The following MYCBP2 variants were observed in gnomAD, a reference collection of about 807,000 sequenced individuals.
MYCBP2 encodes E3 ubiquitin-protein ligase MYCBP2.
In MYCBP2, 120 loss-of-function variants were observed where a neutral mutation model predicts 525.3. The observed-to-expected ratio is 0.23, with a 90% CI of 0.20 to 0.27. The LOEUF (loss-of-function observed/expected upper bound fraction) is 0.27. Ranked by LOEUF, MYCBP2 falls within the 10% of genes least tolerant of loss-of-function variation. The pLI is 1.00. For missense variants in MYCBP2, 4,149 were observed against 5,657.1 expected (o/e 0.73, Z 8.55); for synonymous variants, 1,894 against 1,955.8 (o/e 0.97, Z 0.83).
At chr13:77,051,242 C>G in intron 81 of MYCBP2, 80 bp from the exon 82 acceptor site, 1 of 1,264,828 alleles carries the variant, frequency 7.9e-7, no homozygotes, top group South Asian at 1.6e-5. Context: ...TATACATAGA[C>G]AGCTCCTTAA....
At position 77,081,295 on chromosome 13, in the gene MYCBP2, G is replaced by T. The variant is rs2154104234; in HGVS notation, c.11418+132C>A. ...GTTTTTAGACTTAAGATTTATTTGG[G>T]GATTATAGCAATGATGTTTGGTTGG... On this transcript the variant is annotated intron_variant, in intron 65 of 82. Transcript: ENST00000544440. The surrounding 1 kb of genome is among the most constrained non-coding windows in gnomAD (Gnocchi z 4.6). 1.3e-6 allele frequency: 1 copy of T among 744,666 alleles called. No individual in the cohort carries two copies. The highest frequency in any genetic ancestry group is 2.2e-6 in the Non-Finnish European group (1 of 445,520). 46.1% of individuals were successfully genotyped at this position (744,666 alleles called of 1,614,324 possible).
Position 77,244,454 on chromosome 13 carries a change from C to A in MYCBP2, c.2382-503G>T, listed in dbSNP as rs547048487. ...TAATAAATGGTGCTGGGAAAACTGGCTAGACATATGCAGAAAACTGAAACT... is the reference window on the plus strand; with the variant it reads ...TAATAAATGGTGCTGGGAAAACTGGATAGACATATGCAGAAAACTGAAACT... On this transcript the variant is annotated intron_variant, in intron 15 of 82. Transcript: ENST00000544440. Among the ~76,000 whole-genome samples, 3 of 152,260 alleles carry A rather than the reference C, an allele frequency of 2.0e-5. No homozygotes were observed. The South Asian group carries it at 6.2e-4, about 32-fold the overall frequency.
chr13:77,089,971 T>A (rs1566473270), intron 60 of MYCBP2, 135 bp downstream of exon 60: 2 of 706,380 alleles, frequency 2.8e-6, no homozygotes, highest in Non-Finnish European at 4.3e-6. Context: ...ATAGAAGGAA[T>A]GTCAATCACA....
intron 17 of MYCBP2, among the ~76,000 whole-genome samples, chr13:77,240,884 A>T (rs2068716442): frequency 6.6e-6 from 1 of 152,224 alleles, no homozygotes; most frequent in Admixed American, 6.5e-5. Context: ...TTTACCAAAC[A>T]TGAAGGAGGG....
chr13:77,228,438 T>G (rs1240522117), intron 18 of MYCBP2, among the ~76,000 whole-genome samples: 1 of 149,702 alleles, frequency 6.7e-6, no homozygotes, highest in African/African-American at 2.5e-5. Context: ...GCCCGGGAGG[T>G]CAAGGCTGCA....
chr13:77,074,553 T>C (rs1041346097), intron 68 of MYCBP2, among the ~76,000 whole-genome samples: 6 of 152,186 alleles, frequency 3.9e-5, no homozygotes, highest in Admixed American at 2.0e-4. Context: ...AAGATCTGTA[T>C]GTGAGTGTTC....
At chr13:77,115,528 T>A (rs1214522161) in intron 55 of MYCBP2, among the ~76,000 whole-genome samples, 4 of 151,900 alleles carry the variant, frequency 2.6e-5, no homozygotes, top group African/African-American at 9.7e-5. Flanking sequence ...TTTCTACGTA[T>A]ATAAAATCAA....
At chr13:77,078,755 A>G (rs1165687247) in intron 66 of MYCBP2, 69 bp downstream of exon 66, 25 of 1,258,124 alleles carry the variant, frequency 2.0e-5, no homozygotes, top group Non-Finnish European at 2.4e-5. Flanking sequence ...GTGGAATTCA[A>G]TAGTGAAGGC....
chr13:77,112,455 ACT>A (rs2048994387), intron 55 of MYCBP2, among the ~76,000 whole-genome samples: 1 of 150,334 alleles, frequency 6.7e-6, no homozygotes, highest in Admixed American at 6.7e-5. Flanking sequence ...ACAAGGTCTC[ACT>A]CTGTTGCTCA....
chr13:77,238,914 A>C (rs1473891243), intron 17 of MYCBP2, among the ~76,000 whole-genome samples: 2 of 152,202 alleles, frequency 1.3e-5, no homozygotes, highest in Non-Finnish European at 2.9e-5. Flanking sequence ...TGAGGTCAGA[A>C]GTTTGAGACC....
intron 82 of MYCBP2, among the ~76,000 whole-genome samples, chr13:77,048,735 T>C (rs1275793684): frequency 1.3e-5 from 2 of 152,144 alleles, no homozygotes; most frequent in Admixed American, 1.3e-4. Context: ...ACCGAGGTCA[T>C]TCCTTCCTTC....
intron 44 of MYCBP2, among the ~76,000 whole-genome samples, chr13:77,160,440 G>T (rs372819840): frequency 1.3e-5 from 2 of 152,126 alleles, no homozygotes; most frequent in Admixed American, 1.3e-4. Flanking sequence ...TGAAATAAAT[G>T]TTTTCATTAT....
chr13:77,177,326 TTTTC>T (rs1195635186), intron 35 of MYCBP2, among the ~76,000 whole-genome samples: 7 of 150,054 alleles, frequency 4.7e-5, no homozygotes, highest in South Asian at 4.2e-4. Context: ...TTTCAATTTC[TTTTC>T]TTTCTTTTTT....
Position 77,098,494 on chromosome 13 carries a change from G to A in MYCBP2, c.8660C>T (p.Pro2887Leu), listed in dbSNP as rs763723120. 6 of 1,613,704 alleles carry A rather than the reference G, an allele frequency of 3.7e-6. No individual in the cohort carries two copies. The East Asian group carries it at 1.1e-4, about 30-fold the overall frequency. ...CCGTCCTCTCAAAGGTTCTGTGAGG[G>A]GCATTTTCTTCTTGCGGAGGGTATC... ...DPDTLRKKKM[P>L]LTEPLRGRST... Residue 2887 changes from proline (P) to leucine (L), a missense_variant, in exon 56 of 83, where the codon CCC (proline) becomes CTC (leucine). Pro to Leu is a moderately conservative substitution (Grantham distance 98, BLOSUM62 -3). This residue lies in a region of MYCBP2 where 653 missense variants were observed against 744.7 expected (regional missense o/e 0.88). Transcript: ENST00000544440.
At chr13:77,268,641 T>C (rs2074424440) in intron 7 of MYCBP2, among the ~76,000 whole-genome samples, 1 of 151,948 alleles carries the variant, frequency 6.6e-6, no homozygotes, top group African/African-American at 2.4e-5. Flanking sequence ...TAGCTGGACG[T>C]GGTGGTGGGC....
chr13:77,276,504 T>C (rs976902745), intron 4 of MYCBP2, among the ~76,000 whole-genome samples: 4 of 152,072 alleles, frequency 2.6e-5, no homozygotes, highest in African/African-American at 9.7e-5. Context: ...ATCCCTTACA[T>C]AGAAAAATAA....
intron 54 of MYCBP2, among the ~76,000 whole-genome samples, chr13:77,121,946 GT>G (rs779398612): frequency 9.9e-5 from 15 of 151,934 alleles, no homozygotes; most frequent in Admixed American, 3.3e-4. Flanking sequence ...ATTTTCATTT[GT>G]TAACTGTTCT....
chr13:77,264,886 C>CAT (rs900604567), intron 8 of MYCBP2, among the ~76,000 whole-genome samples: 10 of 152,036 alleles, frequency 6.6e-5, no homozygotes, highest in African/African-American at 2.4e-4. Context: ...CACACACACA[C>CAT]ATACTTCCCA....
At chr13:77,291,542 G>A (rs1336577144) in intron 2 of MYCBP2, among the ~76,000 whole-genome samples, 6 of 152,118 alleles carry the variant, frequency 3.9e-5, no homozygotes, top group East Asian at 1.9e-4. Context: ...AGGCCAAGGC[G>A]GGCAGATCAC....
Sources: gnomAD v4.1 joint callset for allele counts (sites outside exome capture counted in the v4.1 genomes callset) on GRCh38, gnomAD v4.1.1 for gene constraint, gnomAD v4.1.1 regional missense constraint, Gnocchi (gnomAD v3.1) non-coding constraint, MANE v1.5 for transcripts, NCBI Gene and HGNC (gene_info 2026-07-23, HGNC 2026-07-21) for gene names.